KCNN3: variants seen among roughly 807,000 people sequenced by gnomAD.
KCNN3 encodes small conductance calcium-activated potassium channel protein 3.
KCNN3 carries 16 observed loss-of-function variants against 62.9 expected under a neutral mutation model. That is an observed-to-expected ratio of 0.25 (90% confidence interval 0.17 to 0.39). The LOEUF (loss-of-function observed/expected upper bound fraction) is 0.39. Ranked by LOEUF, KCNN3 falls within the 10% of genes least tolerant of loss-of-function variation. The pLI is 1.00. For missense variants in KCNN3, 599 were observed against 949.4 expected (o/e 0.63, Z 4.85); for synonymous variants, 370 against 389.2 (o/e 0.95, Z 0.58).
chr1:154,730,872 AG>A (rs1229047098), intron 4 of KCNN3, among the ~76,000 whole-genome samples: 1 of 152,110 alleles, frequency 6.6e-6, no homozygotes, highest in Non-Finnish European at 1.5e-5. Context: ...AGACAGCAAA[AG>A]GGGGTGCTGA....
chr1:154,793,867 G>T (rs1243717942), intron 2 of KCNN3, among the ~76,000 whole-genome samples: 3 of 152,274 alleles, frequency 2.0e-5, no homozygotes, highest in Admixed American at 6.5e-5. Flanking sequence ...TTCATTCCAG[G>T]GTTTGCACAT....
intron 2 of KCNN3, among the ~76,000 whole-genome samples, chr1:154,780,843 G>C (rs1408361706): frequency 6.6e-6 from 1 of 152,086 alleles, no homozygotes; most frequent in Non-Finnish European, 1.5e-5. Flanking sequence ...GCGGGTGGGG[G>C]TTGGGAAGCA....
At chr1:154,784,681 G>A (rs1485901277) in intron 2 of KCNN3, among the ~76,000 whole-genome samples, 3 of 152,232 alleles carry the variant, frequency 2.0e-5, no homozygotes, top group African/African-American at 2.4e-5. Flanking sequence ...TTCAGGGGGC[G>A]GAGGGAGCAG....
chr1:154,844,788 C>T (rs1191828158), intron 1 of KCNN3, among the ~76,000 whole-genome samples: 3 of 152,020 alleles, frequency 2.0e-5, no homozygotes, highest in Non-Finnish European at 4.4e-5. Context: ...GGTGGATCAC[C>T]TGAGGTCAGG....
intron 6 of KCNN3, among the ~76,000 whole-genome samples, chr1:154,714,272 G>GGTGTATGTGGTGTGTCTGGT (rs1700161239): frequency 1.9e-5 from 1 of 51,298 alleles, no homozygotes; most frequent in African/African-American, 8.1e-5. Flanking sequence ...TGTGGTATGT[G>GGTGTATGTGGTGTGTCTGGT]GTGTGTGTGG....
In KCNN3 at chr1:154,869,295, G is replaced by T. The variant is rs1426139473; in HGVS notation, c.670C>A (p.Arg224=). 1 of 1,613,844 alleles carries T rather than the reference G, an allele frequency of 6.2e-7. No individual in the cohort carries two copies. Among genetic ancestry groups the T allele is most frequent in the Non-Finnish European group, 8.5e-7 (1 of 1,179,802 alleles). The stretch of plus-strand genomic sequence containing the variant: ...GTCTGGTGGGCATGGTTGTCCTCCC[G>T]GGAGGAGATGACGATCTCCGGGGGG... ...SNPPEIVISS[R]EDNHAHQTLL... Residue 224 remains arginine (R), a synonymous_variant, in exon 1 of 8, where the codon CGG becomes AGG. Transcript: ENST00000271915. This position sits in a 1 kb window ranked among gnomAD's most constrained non-coding sequence, Gnocchi z 6.1.
intron 2 of KCNN3, among the ~76,000 whole-genome samples, chr1:154,804,560 T>C (rs1650089721): frequency 6.6e-6 from 1 of 152,150 alleles, no homozygotes; most frequent in African/African-American, 2.4e-5. Flanking sequence ...GACCATGAAC[T>C]ATTTGAAGGC....
chr1:154,740,370 A>G (rs1172989851), intron 3 of KCNN3, among the ~76,000 whole-genome samples: 1 of 152,002 alleles, frequency 6.6e-6, no homozygotes, highest in Admixed American at 6.5e-5. Flanking sequence ...GTAGCCTCAA[A>G]CTCCTGGGCT....
chr1:154,826,595 C>A (rs1426819469), intron 1 of KCNN3, among the ~76,000 whole-genome samples: 2 of 151,720 alleles, frequency 1.3e-5, no homozygotes, highest in Non-Finnish European at 2.9e-5. Flanking sequence ...GCGGCCACGC[C>A]TTGCTGGCCC....
intron 1 of KCNN3, among the ~76,000 whole-genome samples, chr1:154,836,052 A>T (rs756020906): frequency 1.7e-4 from 26 of 152,170 alleles, no homozygotes; most frequent in Non-Finnish European, 3.1e-4. Flanking sequence ...GAGGAGCCAA[A>T]GGCACCTGAC....
At chr1:154,785,487 C>T (rs1401117899) in intron 2 of KCNN3, among the ~76,000 whole-genome samples, 1 of 152,042 alleles carries the variant, frequency 6.6e-6, no homozygotes, top group Non-Finnish European at 1.5e-5. Context: ...TCCTGATCTC[C>T]CAGTGGCGGG....
intron 3 of KCNN3, among the ~76,000 whole-genome samples, chr1:154,753,786 C>A (rs4845389): frequency 0.88 from 134,154 of 152,270 alleles, 59,216 homozygotes; most frequent in East Asian, 1. Flanking sequence ...TTTGAACTTC[C>A]TAATCCCCTG....
intron 6 of KCNN3, 51 bp downstream of exon 6, chr1:154,714,825 C>A: frequency 6.2e-7 from 1 of 1,611,122 alleles, no homozygotes; most frequent in Non-Finnish European, 8.5e-7. Flanking sequence ...GTAGGAGTCC[C>A]GCCACTCCCA....
intron 1 of KCNN3, among the ~76,000 whole-genome samples, chr1:154,857,226 G>C (rs1385448630): frequency 2.0e-5 from 3 of 152,222 alleles, no homozygotes; most frequent in Non-Finnish European, 4.4e-5. Flanking sequence ...TGGAGACTGA[G>C]GCTCAAAGAG....
At chr1:154,780,071 A>G (rs568897296) in intron 2 of KCNN3, among the ~76,000 whole-genome samples, 1 of 152,308 alleles carries the variant, frequency 6.6e-6, no homozygotes, top group East Asian at 1.9e-4. Flanking sequence ...ACAAGGAGAC[A>G]AGGACACTAC....
At chr1:154,810,040 G>A (rs1399843454) in intron 2 of KCNN3, among the ~76,000 whole-genome samples, 1 of 152,190 alleles carries the variant, frequency 6.6e-6, no homozygotes, top group East Asian at 1.9e-4. Flanking sequence ...AGCAAGATCA[G>A]GGTGGAAACA....
chr1:154,789,665 C>T (rs951347837), intron 2 of KCNN3, among the ~76,000 whole-genome samples: 1 of 152,120 alleles, frequency 6.6e-6, no homozygotes. Context: ...GCCCTGCCAT[C>T]GGAGAGGCGG....
chr1:154,785,645 C>T (rs1054764085), intron 2 of KCNN3, among the ~76,000 whole-genome samples: 1 of 141,368 alleles, frequency 7.1e-6, no homozygotes, highest in African/African-American at 2.7e-5. Context: ...TACAGTGGCA[C>T]GATTATGGCT....
At chr1:154,839,084 A>G (rs1231848348) in intron 1 of KCNN3, among the ~76,000 whole-genome samples, 1 of 152,100 alleles carries the variant, frequency 6.6e-6, no homozygotes, top group Admixed American at 6.5e-5. Flanking sequence ...GATACAGGGG[A>G]CCCAAGTAAC....
Sources: gnomAD v4.1 joint callset for allele counts (sites outside exome capture counted in the v4.1 genomes callset) on GRCh38, gnomAD v4.1.1 for gene constraint, Gnocchi (gnomAD v3.1) non-coding constraint, MANE v1.5 for transcripts, NCBI Gene and HGNC (gene_info 2026-07-23, HGNC 2026-07-21) for gene names.